NT5C2: variants seen among roughly 807,000 people sequenced by gnomAD.
NT5C2 encodes the protein cytosolic purine 5'-nucleotidase.
In NT5C2, 58 loss-of-function variants were observed where a neutral mutation model predicts 76.1. The ratio of observed to expected loss-of-function variants is 0.76; its 90% CI spans 0.62 to 0.95. The LOEUF (loss-of-function observed/expected upper bound fraction) is 0.95. NT5C2 is among the 40% of genes least tolerant of loss of function. The pLI, the probability that NT5C2 is intolerant of heterozygous loss-of-function variation, is 0.00. For synonymous variants in NT5C2, 229 were observed against 237.4 expected (o/e 0.96, Z 0.32); for missense variants, 478 against 690.3 (o/e 0.69, Z 3.45).
At chr10:103,099,858 G>T in intron 9 of NT5C2, 68 bp downstream of exon 9, 1 of 988,576 alleles carries the variant, frequency 1.0e-6, no homozygotes, top group Non-Finnish European at 1.6e-6. Context: ...GCTCCATTTG[G>T]AAAGTTAATG....
At chr10:103,176,788 G>A (rs2090049395) in intron 2 of NT5C2, among the ~76,000 whole-genome samples, 1 of 152,170 alleles carries the variant, frequency 6.6e-6, no homozygotes, top group South Asian at 2.1e-4. Flanking sequence ...GATTACAGTT[G>A]GGAGCCACCC....
At chr10:103,156,744 A>T (rs1312255437) in intron 3 of NT5C2, among the ~76,000 whole-genome samples, 1 of 144,464 alleles carries the variant, frequency 6.9e-6, no homozygotes, top group African/African-American at 2.6e-5. Context: ...AACAAGAGCG[A>T]AACTCTATCT....
chr10:103,123,338 T>G (rs1323920476), intron 4 of NT5C2, among the ~76,000 whole-genome samples: 1 of 152,142 alleles, frequency 6.6e-6, no homozygotes, highest in Non-Finnish European at 1.5e-5. Flanking sequence ...ATGTGCAGGT[T>G]TGTTACACAG....
At chr10:103,190,320 A>C (rs2092540897) in intron 1 of NT5C2, among the ~76,000 whole-genome samples, 1 of 152,154 alleles carries the variant, frequency 6.6e-6, no homozygotes, top group Non-Finnish European at 1.5e-5. Context: ...TTCCAGTTTT[A>C]TCTCAGACTA....
In NT5C2 at chr10:103,098,199, T is replaced by C. The variant is rs117396605; in HGVS notation, c.687+732A>G. The C allele has an allele frequency of 6.1e-3, 2,481 of 405,240 alleles. 79 individuals are homozygous for C. The East Asian group carries it at 0.079, about 13-fold the overall frequency. 25.1% of individuals were successfully genotyped at this position (405,240 alleles called of 1,614,324 possible). A position where few individuals can be genotyped will look rare whatever the true frequency, so the allele number is the denominator to read the frequency against. ...GCTGTGAAAATAAAGAGTTCCCATA[T>C]ATTCTTCCTCCAGTTTCCCTTAATA... is the stretch of plus-strand genomic sequence containing the variant. On this transcript the variant is annotated intron_variant, in intron 10 of 18. Coordinates refer to ENST00000404739, the MANE Select transcript of NT5C2 (RefSeq NM_001351169.2).
intron 3 of NT5C2, among the ~76,000 whole-genome samples, chr10:103,172,545 A>G (rs957404940): frequency 2.0e-5 from 3 of 151,944 alleles, no homozygotes; most frequent in African/African-American, 7.2e-5. Flanking sequence ...TTATTTAAAA[A>G]TATTTGGGGA....
intron 4 of NT5C2, among the ~76,000 whole-genome samples, chr10:103,119,091 C>T (rs941571433): frequency 2.1e-4 from 32 of 152,140 alleles, no homozygotes; most frequent in Non-Finnish European, 4.0e-4. Flanking sequence ...GTCAGAGGGC[C>T]GGGCACAGTG....
chr10:103,090,881 G>GA (rs977442397), intron 17 of NT5C2, 55 bp downstream of exon 17: 13 of 1,599,526 alleles, frequency 8.1e-6, no homozygotes, highest in South Asian at 4.4e-5. Context: ...TCAGGAATGT[G>GA]AAAAAAGCAT....
At chr10:103,098,184 TAA>T (rs145625828) in intron 10 of NT5C2, 1 of 430,838 alleles carries the variant, frequency 2.3e-6, no homozygotes, top group Non-Finnish European at 4.5e-6. Flanking sequence ...GCTGTGAAAA[TAA>T]AGAGTTCCCA....
rs769522226 is a variant in NT5C2 at position 103,183,262 on chromosome 10, G to GTGATATAT, written c.-168-1935_-168-1934insATATATCA. Among the ~76,000 whole-genome samples, 226 of 73,360 alleles carry GTGATATAT rather than the reference G, an allele frequency of 3.1e-3. 3 individuals are homozygous for GTGATATAT. Among genetic ancestry groups the GTGATATAT allele is most frequent in the Middle Eastern group, 0.012 (1 of 86 alleles). The allele number at this position is 73,360 out of a possible 152,430, so 48.1% of individuals were successfully genotyped here. A position where few individuals can be genotyped will look rare whatever the true frequency, so the allele number is the denominator to read the frequency against. On this transcript the variant is annotated intron_variant, in intron 1 of 18. Coordinates refer to ENST00000404739, the MANE Select transcript of NT5C2 (RefSeq NM_001351169.2). ...GAGATATATATATATGTGTGTGTGT[G>GTGATATAT]ATATATATATATATATATATATATA...
At position 103,093,714 on chromosome 10, in the gene NT5C2, G is replaced by A. The variant is rs987693426; in HGVS notation, c.988+258C>T. 29 of 460,964 alleles carry A rather than the reference G, an allele frequency of 6.3e-5. 1 individual carries two copies. In the Admixed American group the frequency reaches 7.4e-4, roughly 12 times the overall value. The allele number at this position is 460,964 out of a possible 1,614,324, so 28.6% of individuals were successfully genotyped here. A position where few individuals can be genotyped will look rare whatever the true frequency, so the allele number is the denominator to read the frequency against. On this transcript the variant is annotated intron_variant, in intron 14 of 18. Coordinates refer to ENST00000404739, the MANE Select transcript of NT5C2 (RefSeq NM_001351169.2). ...ATTGAGAAGTACCCCCAAGTGATTC[G>A]AAGCACTGAGAAAAAGCCTCCAATA...
chr10:103,128,310 C>T (rs1230161492), intron 4 of NT5C2, among the ~76,000 whole-genome samples: 7 of 150,098 alleles, frequency 4.7e-5, no homozygotes, highest in African/African-American at 9.8e-5. Context: ...CGAGTGATCC[C>T]GCCAACCTCG....
At chr10:103,126,978 C>T (rs2076785942) in intron 4 of NT5C2, among the ~76,000 whole-genome samples, 1 of 152,064 alleles carries the variant, frequency 6.6e-6, no homozygotes, top group African/African-American at 2.4e-5. Context: ...TGGGTAATTT[C>T]TGAGAAGTTT....
At chr10:103,136,727 C>T (rs538039565) in intron 4 of NT5C2, among the ~76,000 whole-genome samples, 14 of 151,716 alleles carry the variant, frequency 9.2e-5, no homozygotes, top group South Asian at 6.3e-4. Context: ...CCAGTTCAAG[C>T]GGTTCTCCCA....
chr10:103,182,593 C>T (rs540456672), intron 1 of NT5C2, among the ~76,000 whole-genome samples: 1 of 152,008 alleles, frequency 6.6e-6, no homozygotes, highest in Non-Finnish European at 1.5e-5. Context: ...CGAGATCCCG[C>T]CACTGTACTC....
At chr10:103,160,251 G>A (rs1023636706) in intron 3 of NT5C2, among the ~76,000 whole-genome samples, 56 of 152,106 alleles carry the variant, frequency 3.7e-4, no homozygotes, top group Non-Finnish European at 1.5e-4. Context: ...AATGAAAATG[G>A]ATCAAAAACG....
intron 11 of NT5C2, 51 bp downstream of exon 11, chr10:103,097,240 T>TA: frequency 7.5e-7 from 1 of 1,335,470 alleles, no homozygotes; most frequent in Non-Finnish European, 1.1e-6. Flanking sequence ...CACAGTTCTT[T>TA]AGGCCAAAAT....
chr10:103,097,345 C>CA lies in NT5C2; in HGVS notation c.716dup (p.Met239IlefsTer14). The CA allele has an allele frequency of 6.2e-7, 1 of 1,613,818 alleles. No individual in the cohort carries two copies. The highest frequency in any genetic ancestry group is 8.5e-7 in the Non-Finnish European group (1 of 1,179,824). ...CAAGAAATACTTTCCCTACTTCCTTCATCCGGCTCAGAAGCAAAGGCAGTT... is the reference window on the plus strand; with the variant it reads ...CAAGAAATACTTTCCCTACTTCCTTCAATCCGGCTCAGAAGCAAAGGCAGTT... On this transcript the variant is annotated frameshift_variant, in exon 11 of 19. Transcript: ENST00000404739. LOFTEE classifies it high-confidence loss of function.
intron 4 of NT5C2, among the ~76,000 whole-genome samples, chr10:103,127,834 G>C (rs1291065492): frequency 6.6e-6 from 1 of 151,592 alleles, no homozygotes; most frequent in Non-Finnish European, 1.5e-5. Flanking sequence ...GGGATTACAG[G>C]CGTGAGCCAC....
Sources: gnomAD v4.1 joint callset for allele counts (sites outside exome capture counted in the v4.1 genomes callset) on GRCh38, gnomAD v4.1.1 for gene constraint, MANE v1.5 for transcripts, NCBI Gene and HGNC (gene_info 2026-07-23, HGNC 2026-07-21) for gene names.